The following ATRNL1 variants were observed in gnomAD, a reference collection of about 807,000 sequenced individuals.
ATRNL1 encodes the protein attractin like 1.
ATRNL1 carries 95 observed loss-of-function variants against 182.7 expected under a neutral mutation model. The ratio of observed to expected loss-of-function variants is 0.52; its 90% CI spans 0.44 to 0.62. The LOEUF is 0.62. Among genes scored for constraint, ATRNL1 ranks in the 20% least tolerant of loss-of-function variants. ATRNL1 has a pLI of 0.00. For synonymous variants in ATRNL1, 576 were observed against 568.3 expected (o/e 1.01, Z -0.19); for missense variants, 1,471 against 1,679.5 (o/e 0.88, Z 2.17).
intron 9 of ATRNL1, 49 bp from the exon 10 acceptor site, chr10:115,241,522 G>A (rs781934553): frequency 1.4e-5 from 18 of 1,320,644 alleles, no homozygotes; most frequent in African/African-American, 5.8e-5. Context: ...TATAAAATCA[G>A]GGAGGTCATT....
intron 21 of ATRNL1, among the ~76,000 whole-genome samples, chr10:115,455,880 A>G (rs1847500329): frequency 1.3e-5 from 2 of 152,216 alleles, no homozygotes; most frequent in South Asian, 4.1e-4. Context: ...AAAAATATGA[A>G]AAAAAGCTCA....
rs1851562741 is a variant in ATRNL1, at chr10:115,265,294, T to G, written c.1772+17T>G. Reference sequence around the variant, plus strand: ...CATTAACGGGTAAAAGAAGCACATTTCCAATTTTTAGAGGGTCACTTATAT... The same window carrying G: ...CATTAACGGGTAAAAGAAGCACATTGCCAATTTTTAGAGGGTCACTTATAT... On this transcript the variant is annotated intron_variant, in intron 11 of 28. Coordinates refer to ENST00000355044, the MANE Select transcript of ATRNL1 (RefSeq NM_207303.4). 1 of 1,543,618 alleles carries G rather than the reference T, an allele frequency of 6.5e-7. No homozygotes were observed. Among genetic ancestry groups the G allele is most frequent in the Non-Finnish European group, 8.9e-7 (1 of 1,129,664 alleles).
intron 1 of ATRNL1, among the ~76,000 whole-genome samples, chr10:115,117,639 A>G (rs537454523): frequency 1.1e-4 from 17 of 152,140 alleles, no homozygotes; most frequent in Admixed American, 8.5e-4. Flanking sequence ...AATCTTGGCT[A>G]TTGTGAACAG....
chr10:115,461,791 A>T (rs183637630), intron 21 of ATRNL1, 150 bp from the exon 22 acceptor site: 49 of 417,022 alleles, frequency 1.2e-4, no homozygotes, highest in African/African-American at 9.0e-4. Flanking sequence ...TTGAGGACAA[A>T]GATTTGTATT....
intron 28 of ATRNL1, among the ~76,000 whole-genome samples, chr10:115,871,481 A>G (rs1306408962): frequency 1.2e-4 from 15 of 127,110 alleles, no homozygotes; most frequent in African/African-American, 5.7e-4. Context: ...GTGTGTGTGT[A>G]TATATATATA....
intron 28 of ATRNL1, among the ~76,000 whole-genome samples, chr10:115,906,716 C>T (rs1952513656): frequency 6.6e-6 from 1 of 152,058 alleles, no homozygotes; most frequent in Admixed American, 6.6e-5. Context: ...CCAGTACATG[C>T]CTCCCCCTAG....
chr10:115,403,245 A>G (rs1844656676), intron 20 of ATRNL1, among the ~76,000 whole-genome samples: 2 of 126,536 alleles, frequency 1.6e-5, no homozygotes, highest in African/African-American at 8.3e-5. Flanking sequence ...TATTTTTCCT[A>G]ATTACTCTCA....
intron 26 of ATRNL1, among the ~76,000 whole-genome samples, chr10:115,668,998 C>G (rs1945606990): frequency 6.6e-6 from 1 of 152,016 alleles, no homozygotes; most frequent in African/African-American, 2.4e-5. Context: ...GAAAAAAATG[C>G]TTCGTATTGT....
intron 26 of ATRNL1, among the ~76,000 whole-genome samples, chr10:115,636,647 T>C (rs945455466): frequency 1.3e-5 from 2 of 152,218 alleles, no homozygotes; most frequent in Admixed American, 1.3e-4. Flanking sequence ...TAGGAAATAG[T>C]TTGGCTATAC....
chr10:115,939,922 T>C (rs993340682), intron 28 of ATRNL1, among the ~76,000 whole-genome samples: 44 of 152,318 alleles, frequency 2.9e-4, no homozygotes, highest in African/African-American at 9.4e-4. Context: ...ATTTCTAGGT[T>C]GCTTTTCTTT....
intron 28 of ATRNL1, among the ~76,000 whole-genome samples, chr10:115,930,826 C>A (rs1305410233): frequency 6.6e-6 from 1 of 152,102 alleles, no homozygotes; most frequent in Non-Finnish European, 1.5e-5. Context: ...TAATGGGTAG[C>A]CCTTTGGCAC....
intron 27 of ATRNL1, among the ~76,000 whole-genome samples, chr10:115,805,141 G>A (rs782297802): frequency 6.6e-6 from 1 of 152,106 alleles, no homozygotes; most frequent in Non-Finnish European, 1.5e-5. Flanking sequence ...AGAAGAAGCA[G>A]CCCCTTGGTT....
At chr10:115,097,427 A>C (rs1267196075) in intron 1 of ATRNL1, among the ~76,000 whole-genome samples, 1 of 152,224 alleles carries the variant, frequency 6.6e-6, no homozygotes, top group Non-Finnish European at 1.5e-5. Flanking sequence ...TTGAGGCTGC[A>C]GTGAGCTGTA....
chr10:115,523,687 G>T (rs567806770), intron 25 of ATRNL1, among the ~76,000 whole-genome samples: 74 of 152,260 alleles, frequency 4.9e-4, no homozygotes, highest in African/African-American at 1.7e-3. Flanking sequence ...CCTCATTTCA[G>T]TCTGAGACCC....
intron 10 of ATRNL1, among the ~76,000 whole-genome samples, chr10:115,251,230 T>A (rs1232973012): frequency 1.3e-5 from 2 of 152,152 alleles, no homozygotes; most frequent in Non-Finnish European, 2.9e-5. Context: ...TTATTTAGAT[T>A]CTTTAGGGTG....
intron 28 of ATRNL1, among the ~76,000 whole-genome samples, chr10:115,921,107 G>A (rs571129943): frequency 2.2e-4 from 33 of 152,252 alleles, no homozygotes; most frequent in Non-Finnish European, 2.9e-4. Context: ...GGAGTTTCAC[G>A]AAAGGAGGTC....
At chr10:115,184,350 T>TTATA (rs138994333) in intron 8 of ATRNL1, among the ~76,000 whole-genome samples, 2 of 149,714 alleles carry the variant, frequency 1.3e-5, no homozygotes, top group African/African-American at 2.4e-5. Flanking sequence ...CAGTGCAAGA[T>TTATA]TATATATATA....
intron 27 of ATRNL1, among the ~76,000 whole-genome samples, chr10:115,774,542 C>G (rs1412257277): frequency 6.6e-6 from 1 of 151,612 alleles, no homozygotes; most frequent in Non-Finnish European, 1.5e-5. Flanking sequence ...GAGTCTTGAT[C>G]ACCTAAGCTA....
chr10:115,340,148 C>G (rs953494246), intron 19 of ATRNL1, among the ~76,000 whole-genome samples: 3 of 152,036 alleles, frequency 2.0e-5, no homozygotes, highest in Non-Finnish European at 4.4e-5. Context: ...CTGTAGTTTT[C>G]TTTGTTTGTT....
Sources: gnomAD v4.1 joint callset for allele counts (sites outside exome capture counted in the v4.1 genomes callset) on GRCh38, gnomAD v4.1.1 for gene constraint, MANE v1.5 for transcripts, NCBI Gene and HGNC (gene_info 2026-07-23, HGNC 2026-07-21) for gene names.